The following ATP2B1 variants were observed in gnomAD, a reference collection of about 807,000 sequenced individuals.
ATP2B1 encodes plasma membrane calcium-transporting ATPase 1.
Under a neutral mutation model 124.2 loss-of-function variants are expected in ATP2B1, and 14 were observed. The observed-to-expected ratio is 0.11, with a 90% CI of 0.07 to 0.18. The LOEUF (loss-of-function observed/expected upper bound fraction) is 0.18. Ranked by LOEUF, ATP2B1 falls within the 10% of genes least tolerant of loss-of-function variation. ATP2B1 has a pLI of 1.00. For synonymous variants in ATP2B1, 449 were observed against 492.4 expected (o/e 0.91, Z 1.17); for missense variants, 763 against 1,466.1 (o/e 0.52, Z 7.83).
chr12:89,695,058 C>CA (rs544087541), intron 1 of ATP2B1, among the ~76,000 whole-genome samples: 74 of 111,196 alleles, frequency 6.7e-4, no homozygotes, highest in Non-Finnish European at 1.0e-3. Context: ...GATGCTGTTT[C>CA]AAAAAAAAAA....
At chr12:89,654,452 A>C (rs2136347112) in intron 2 of ATP2B1, among the ~76,000 whole-genome samples, 1 of 152,356 alleles carries the variant, frequency 6.6e-6, no homozygotes, top group East Asian at 1.9e-4. Context: ...ATTTGAAAAG[A>C]TACAGAAAAC....
At chr12:89,627,052 T>C (rs893431328) in intron 7 of ATP2B1, among the ~76,000 whole-genome samples, 4 of 152,196 alleles carry the variant, frequency 2.6e-5, no homozygotes, top group African/African-American at 4.8e-5. Flanking sequence ...TTGTTTCTTA[T>C]GCATTTTTGC....
intron 20 of ATP2B1, among the ~76,000 whole-genome samples, chr12:89,593,055 A>G (rs1873890438): frequency 6.6e-6 from 1 of 152,052 alleles, no homozygotes; most frequent in Non-Finnish European, 1.5e-5. Flanking sequence ...GATGAATAGC[A>G]GCAAATATTT....
chr12:89,604,272 A>G lies in ATP2B1; in HGVS notation c.2517T>C (p.Val839=), dbSNP rs752512243. The part of the protein sequence containing the change: ...ILTDDNFTSI[V]KAVMWGRNVY... The stretch of plus-strand genomic sequence containing the variant: ...CATTTCGTCCCCACATAACTGCTTT[A>G]ACAATGCTTGTAAAGTTGTCATCTG... The change falls in exon 16 of 21, where the codon GTT becomes GTC. Residue 839 remains valine, a synonymous_variant. Coordinates refer to ENST00000428670, the MANE Select transcript of ATP2B1 (RefSeq NM_001366521.1). 5.6e-6 allele frequency: 9 copies of G among 1,613,980 alleles called. No homozygotes were observed. The South Asian group carries it at 9.9e-5, about 18-fold the overall frequency.
intron 2 of ATP2B1, among the ~76,000 whole-genome samples, chr12:89,648,445 TAATG>T (rs1884795989): frequency 6.6e-6 from 1 of 152,084 alleles, no homozygotes; most frequent in South Asian, 2.1e-4. Context: ...AACTTAAGAG[TAATG>T]ACCTAGGGTA....
rs986833300 is a variant in ATP2B1, at chr12:89,606,604, C to T, written c.2443-2258G>A. Among the ~76,000 whole-genome samples, 64 of 126,142 alleles carry T rather than the reference C, an allele frequency of 5.1e-4. 1 individual carries two copies. Among genetic ancestry groups the T allele is most frequent in the Non-Finnish European group, 8.8e-4 (56 of 63,682 alleles). 82.8% of individuals were successfully genotyped at this position (126,142 alleles called of 152,430 possible). ...TTTTTTTTTTTTTGAGATAGAGTCT[C>T]GCTCTGTTGCCCAGGCTGGAGTGCA... On this transcript the variant is annotated intron_variant, in intron 15 of 20. Transcript: ENST00000428670.
chr12:89,692,333 T>C (rs1158850909), intron 1 of ATP2B1, among the ~76,000 whole-genome samples: 3 of 152,222 alleles, frequency 2.0e-5, no homozygotes, highest in Non-Finnish European at 4.4e-5. Context: ...ATATTTCATT[T>C]AACATGGTTT....
intron 1 of ATP2B1, among the ~76,000 whole-genome samples, chr12:89,663,983 C>T (rs560482362): frequency 5.9e-5 from 9 of 152,070 alleles, no homozygotes; most frequent in Non-Finnish European, 1.0e-4. Context: ...TCAGAGTAAA[C>T]GAGATTCGTT....
intron 1 of ATP2B1, among the ~76,000 whole-genome samples, chr12:89,677,761 G>C (rs1232091239): frequency 6.6e-6 from 1 of 151,790 alleles, no homozygotes; most frequent in Non-Finnish European, 1.5e-5. Context: ...AATTCCACCA[G>C]TAGTAGAATA....
At chr12:89,655,092 C>G (rs1394060133) in intron 2 of ATP2B1, among the ~76,000 whole-genome samples, 2 of 152,058 alleles carry the variant, frequency 1.3e-5, no homozygotes, top group African/African-American at 4.8e-5. Context: ...ATTTATGAAA[C>G]CAAAGGCTTC....
chr12:89,667,450 T>C (rs1375374353), intron 1 of ATP2B1, among the ~76,000 whole-genome samples: 1 of 152,224 alleles, frequency 6.6e-6, no homozygotes, highest in African/African-American at 2.4e-5. Context: ...CATACCATAT[T>C]ATGGCCTACA....
intron 1 of ATP2B1, among the ~76,000 whole-genome samples, chr12:89,690,353 T>G (rs1890421834): frequency 6.6e-6 from 1 of 151,584 alleles, no homozygotes; most frequent in Admixed American, 6.6e-5. Flanking sequence ...AGATTTATCA[T>G]TAAGAGTAAT....
chr12:89,625,401 C>G (rs57481061), intron 8 of ATP2B1, among the ~76,000 whole-genome samples: 21,248 of 151,716 alleles, frequency 0.14, 1,713 homozygotes, highest in South Asian at 0.31. Flanking sequence ...CTGGCCAACA[C>G]GGTGAAACCC....
At chr12:89,640,871 G>A (rs946594892) in intron 3 of ATP2B1, among the ~76,000 whole-genome samples, 47 of 152,222 alleles carry the variant, frequency 3.1e-4, no homozygotes, top group African/African-American at 1.1e-3. Flanking sequence ...TAAGCTTTCT[G>A]AGGCCCTCAC....
chr12:89,694,256 T>C (rs1890868952), intron 1 of ATP2B1, among the ~76,000 whole-genome samples: 1 of 152,184 alleles, frequency 6.6e-6, no homozygotes, highest in African/African-American at 2.4e-5. Context: ...ATCTGTCCTA[T>C]TCTCTCTCCC....
intron 20 of ATP2B1, 104 bp downstream of exon 20, chr12:89,599,013 T>C: frequency 1.5e-6 from 2 of 1,332,750 alleles, no homozygotes; most frequent in Non-Finnish European, 2.1e-6. Context: ...ATTTGTGGGT[T>C]GGGAAGGCTA....
At chr12:89,616,763 T>G in intron 12 of ATP2B1, 39 bp downstream of exon 12, 3 of 1,563,834 alleles carry the variant, frequency 1.9e-6, no homozygotes, top group Admixed American at 1.7e-5. Context: ...TCTATAGTTA[T>G]GAGATTCTGC....
intron 3 of ATP2B1, among the ~76,000 whole-genome samples, chr12:89,640,351 C>A (rs934222346): frequency 6.6e-6 from 1 of 152,170 alleles, no homozygotes; most frequent in African/African-American, 2.4e-5. Flanking sequence ...TGATTTTCAA[C>A]CAGAGGCAAC....
At chr12:89,670,600 C>G (rs1455557932) in intron 1 of ATP2B1, among the ~76,000 whole-genome samples, 2 of 152,014 alleles carry the variant, frequency 1.3e-5, no homozygotes, top group Non-Finnish European at 2.9e-5. Context: ...CACTGAAATT[C>G]TAGTATAACA....
Sources: allele counts gnomAD v4.1 joint callset (sites outside exome capture counted in the v4.1 genomes callset), GRCh38; gene constraint gnomAD v4.1.1; transcripts MANE v1.5; gene names NCBI Gene and HGNC (gene_info 2026-07-23, HGNC 2026-07-21).